The following EXD3 variants were observed in gnomAD, a reference collection of about 807,000 sequenced individuals.
The protein encoded by EXD3 is exonuclease 3'-5' domain containing 3.
In EXD3, 92 loss-of-function variants were observed where a neutral mutation model predicts 98.0. That is an observed-to-expected ratio of 0.94 (90% CI 0.79 to 1.12). The LOEUF (loss-of-function observed/expected upper bound fraction) is 1.12, where lower values mean the gene tolerates loss of function less well. EXD3 is among the 50% of genes most tolerant of loss of function. The pLI is 0.00. For missense variants in EXD3, 1,222 were observed against 1,191.6 expected (o/e 1.03, Z -0.38); for synonymous variants, 569 against 526.0 (o/e 1.08, Z -1.12).
Position 137,373,033 on chromosome 9 carries a change from T to A in EXD3, c.334A>T (p.Lys112Ter). 1 of 1,602,144 alleles carries A rather than the reference T, an allele frequency of 6.2e-7. No homozygotes were observed. Residue 112 changes from lysine (K) to a stop codon, truncating the protein, a stop_gained, in exon 5 of 22, where the codon AAA (lysine) becomes TAA (stop). Transcript: ENST00000340951. LOFTEE classifies it high-confidence loss of function. ...RLKQLQARAVKVLTESPPSLA... is the reference protein window; with the variant it reads ...RLKQLQARAV ...CTGGGGGGGCTCTCAGTGAGGACTT[T>A]GACCGCTCGGGCCTGCAGCTGCTTC...
chr9:137,349,247 C>T lies in EXD3; in HGVS notation c.1693G>A (p.Ala565Thr), dbSNP rs551705546. 6.4e-7 allele frequency: 1 copy of T among 1,573,702 alleles called. No homozygotes were observed. The highest frequency in any genetic ancestry group is 1.3e-5 in the African/African-American group (1 of 74,430). The change falls in exon 16 of 22, where the codon GCC becomes ACC. Residue 565 changes from alanine to threonine, a missense_variant. Coordinates refer to ENST00000340951, the MANE Select transcript of EXD3 (RefSeq NM_017820.5). The surrounding 1 kb of genome is among the most constrained non-coding windows in gnomAD (Gnocchi z 7.4). ...DAYCLLEVHQ[A>T]LCREPARFHL... The stretch of plus-strand genomic sequence containing the variant: ...AAGCGGGCGGGCTCTCTGCACAGGG[C>T]TTGGTGCACCTCCAGCAGGCAGTAG...
At chr9:137,410,925 T>G (rs536665726) in intron 1 of EXD3, among the ~76,000 whole-genome samples, 107 of 151,948 alleles carry the variant, frequency 7.0e-4, no homozygotes, top group Non-Finnish European at 1.3e-3. Flanking sequence ...CCACAGAGCC[T>G]GGCAGACCCC....
chr9:137,325,216 G>T lies in EXD3; in HGVS notation c.1999-1073C>A, dbSNP rs562682731. Among the ~76,000 whole-genome samples the T allele has an allele frequency of 2.6e-4, 40 of 152,294 alleles. 1 individual carries two copies. In the South Asian group the frequency reaches 7.7e-3, roughly 29 times the overall value. On this transcript the variant is annotated intron_variant, in intron 17 of 21. Transcript: ENST00000340951. Reference sequence around the variant, plus strand: ...AGGAGCCCGAGCTTTTTGGAGAAATGACTGATTCCAGATCTAAGGTAGAAA... The same window carrying T: ...AGGAGCCCGAGCTTTTTGGAGAAATTACTGATTCCAGATCTAAGGTAGAAA...
At chr9:137,340,673 G>A (rs998928080) in intron 17 of EXD3, among the ~76,000 whole-genome samples, 1 of 151,972 alleles carries the variant, frequency 6.6e-6, no homozygotes, top group African/African-American at 2.4e-5. Context: ...GACCACAGGT[G>A]TGCACCACCA....
chr9:137,404,337 G>A (rs1054247584), intron 1 of EXD3, among the ~76,000 whole-genome samples: 7 of 152,106 alleles, frequency 4.6e-5, no homozygotes, highest in Non-Finnish European at 7.3e-5. Flanking sequence ...AGCCCACAAG[G>A]CCTCTGCACA....
chr9:137,391,420 C>T (rs762307415), intron 2 of EXD3, among the ~76,000 whole-genome samples: 3 of 152,034 alleles, frequency 2.0e-5, no homozygotes, highest in African/African-American at 7.3e-5. Context: ...GGGTCTCCTC[C>T]GGGAAGCCAG....
intron 17 of EXD3, among the ~76,000 whole-genome samples, chr9:137,335,538 G>T (rs1321025942): frequency 6.6e-6 from 1 of 152,156 alleles, no homozygotes; most frequent in Non-Finnish European, 1.5e-5. Context: ...AAATTAGCCA[G>T]GTGTGGTGGC....
chr9:137,308,897 G>A (rs776272831), intron 20 of EXD3, among the ~76,000 whole-genome samples: 5 of 151,978 alleles, frequency 3.3e-5, no homozygotes, highest in Non-Finnish European at 5.9e-5. Flanking sequence ...TGCCCGCCTC[G>A]GCCTCCCAAA....
At chr9:137,391,627 C>T (rs999841086) in intron 2 of EXD3, among the ~76,000 whole-genome samples, 5 of 150,596 alleles carry the variant, frequency 3.3e-5, no homozygotes, top group Admixed American at 6.6e-5. Context: ...GCCAGAGGGC[C>T]GGCCTCCCTG....
In EXD3 at chr9:137,373,017, C is replaced by T. The variant is rs761397122; in HGVS notation, c.350G>A (p.Ser117Asn). Residue 117 changes from serine (S) to asparagine (N), a missense_variant, in exon 5 of 22, where the codon AGC becomes AAC. Coordinates refer to ENST00000340951, the MANE Select transcript of EXD3 (RefSeq NM_017820.5). ...QARAVKVLTESPPSLAAPLAS... is the reference protein window; with the variant it reads ...QARAVKVLTENPPSLAAPLAS... Reference sequence around the variant, plus strand: ...CAGTGGTGCCGCAAGGCTGGGGGGGCTCTCAGTGAGGACTTTGACCGCTCG... The same window carrying T: ...CAGTGGTGCCGCAAGGCTGGGGGGGTTCTCAGTGAGGACTTTGACCGCTCG... The T allele has an allele frequency of 6.9e-6, 11 of 1,604,564 alleles. No individual in the cohort carries two copies. The highest frequency in any genetic ancestry group is 5.0e-5 in the Admixed American group (3 of 59,648).
intron 3 of EXD3, among the ~76,000 whole-genome samples, chr9:137,382,081 G>C (rs1836323958): frequency 8.0e-6 from 1 of 125,494 alleles, no homozygotes; most frequent in Non-Finnish European, 1.7e-5. Flanking sequence ...GGCGCGCGGT[G>C]GAGGTCAGGG....
chr9:137,352,456 G>A (rs933637661), intron 11 of EXD3, among the ~76,000 whole-genome samples, 164 bp downstream of exon 11: 1 of 152,188 alleles, frequency 6.6e-6, no homozygotes, highest in Non-Finnish European at 1.5e-5. Flanking sequence ...AGGAGGGCTG[G>A]GCCCTGCTGT....
rs1000943745 is a variant in EXD3 at position 137,395,696 on chromosome 9, C to T, written c.-47-292G>A. 5.3e-5 allele frequency among the ~76,000 whole-genome samples: 8 copies of T among 152,096 alleles called. No homozygotes were observed. Among genetic ancestry groups the T allele is most frequent in the African/African-American group, 1.7e-4 (7 of 41,422 alleles). ...GGGGGGCACAGTAGACAGACCCTCG[C>T]GGGAGTGCAGAGGGGCCTGTTCTTG... On this transcript the variant is annotated intron_variant, in intron 1 of 21. Coordinates refer to ENST00000340951, the MANE Select transcript of EXD3 (RefSeq NM_017820.5). This position sits in a 1 kb window ranked among gnomAD's most constrained non-coding sequence, Gnocchi z 6.5.
intron 3 of EXD3, among the ~76,000 whole-genome samples, chr9:137,378,168 T>C (rs976183648): frequency 3.3e-5 from 5 of 152,068 alleles, no homozygotes; most frequent in African/African-American, 1.2e-4. Flanking sequence ...CCAGCAATTC[T>C]ATTCCAGGCA....
At chr9:137,351,800 CCCA>C (rs1447773925) in intron 12 of EXD3, among the ~76,000 whole-genome samples, 2 of 152,224 alleles carry the variant, frequency 1.3e-5, no homozygotes, top group Non-Finnish European at 2.9e-5. Context: ...AGGGAGGCAC[CCCA>C]CGTCTCGGGC....
chr9:137,327,738 G>T (rs1832521603), intron 17 of EXD3, among the ~76,000 whole-genome samples: 1 of 131,176 alleles, frequency 7.6e-6, no homozygotes, highest in Non-Finnish European at 1.6e-5. Context: ...ACACCCACAT[G>T]ATGAGTAAAA....
At chr9:137,351,977 C>T (rs1834330193) in intron 12 of EXD3, 89 bp downstream of exon 12, 2 of 1,483,826 alleles carry the variant, frequency 1.3e-6, no homozygotes. Flanking sequence ...GGCCTTGCCT[C>T]TCTCCGAATG....
intron 19 of EXD3, among the ~76,000 whole-genome samples, chr9:137,312,510 A>G (rs187649027): frequency 6.6e-6 from 1 of 152,276 alleles, no homozygotes; most frequent in East Asian, 1.9e-4. Context: ...CCGGGCCACC[A>G]GCCAGGCTGT....
intron 17 of EXD3, among the ~76,000 whole-genome samples, chr9:137,338,624 C>T (rs544459302): frequency 6.6e-6 from 1 of 151,722 alleles, no homozygotes; most frequent in African/African-American, 2.4e-5. Flanking sequence ...CAGTGGCTCA[C>T]GCCTGTAATC....
Sources: gnomAD v4.1 joint callset for allele counts (sites outside exome capture counted in the v4.1 genomes callset) on GRCh38, gnomAD v4.1.1 for gene constraint, Gnocchi (gnomAD v3.1) non-coding constraint, MANE v1.5 for transcripts, NCBI Gene and HGNC (gene_info 2026-07-23, HGNC 2026-07-21) for gene names.